The following ADAMTS12 variants were observed in gnomAD, a reference collection of about 807,000 sequenced individuals.
The protein encoded by ADAMTS12 is ADAM metallopeptidase with thrombospondin type 1 motif 12.
In ADAMTS12, 118 loss-of-function variants were observed where a neutral mutation model predicts 167.8. The ratio of observed to expected loss-of-function variants is 0.70; its 90% CI spans 0.61 to 0.82. ADAMTS12 has a LOEUF of 0.82. Ranked by LOEUF, ADAMTS12 falls within the 40% of genes least tolerant of loss-of-function variation. ADAMTS12 has a pLI of 0.00. For missense variants in ADAMTS12, 1,916 were observed against 1,998.8 expected, an observed-to-expected ratio of 0.96 and a Z score of 0.79; for synonymous variants, 704 against 716.9, an observed-to-expected ratio of 0.98 and a Z score of 0.29.
intron 2 of ADAMTS12, among the ~76,000 whole-genome samples, chr5:33,849,634 ATATGTATTG>A (rs1749136844): frequency 1.5e-5 from 2 of 131,034 alleles, no homozygotes; most frequent in South Asian, 4.7e-4. Context: ...ATAGCAATAT[ATATGTATTG>A]CATAGCAATA....
intron 3 of ADAMTS12, among the ~76,000 whole-genome samples, chr5:33,687,246 C>A (rs1398467151): frequency 1.3e-5 from 2 of 152,002 alleles, no homozygotes; most frequent in African/African-American, 4.8e-5. Context: ...TTCAACAAAA[C>A]CTACATTAAG....
chr5:33,837,827 C>G (rs1025964424), intron 2 of ADAMTS12, among the ~76,000 whole-genome samples: 1 of 152,180 alleles, frequency 6.6e-6, no homozygotes, highest in Non-Finnish European at 1.5e-5. Flanking sequence ...TTTAAAGAAG[C>G]CACATTTGTA....
chr5:33,753,907 G>C (rs566482573), intron 2 of ADAMTS12, among the ~76,000 whole-genome samples: 1 of 152,292 alleles, frequency 6.6e-6, no homozygotes, highest in African/African-American at 2.4e-5. Flanking sequence ...TAGAGGAGAA[G>C]CCAGAGATCT....
chr5:33,887,901 C>T (rs550837035), intron 1 of ADAMTS12, among the ~76,000 whole-genome samples: 3 of 152,224 alleles, frequency 2.0e-5, no homozygotes, highest in Admixed American at 1.3e-4. Flanking sequence ...TGCACCACCA[C>T]GCCCGGCTGA....
At chr5:33,619,314 A>G (rs1739189868) in intron 14 of ADAMTS12, among the ~76,000 whole-genome samples, 1 of 152,222 alleles carries the variant, frequency 6.6e-6, no homozygotes, top group Non-Finnish European at 1.5e-5. Flanking sequence ...CTGTATTTGC[A>G]TAAAACAATA....
At chr5:33,873,166 T>TA (rs77165421) in intron 2 of ADAMTS12, among the ~76,000 whole-genome samples, 3,028 of 120,804 alleles carry the variant, frequency 0.025, 45 homozygotes, top group African/African-American at 0.046. Flanking sequence ...TATGTAGATT[T>TA]AAAAAAAAAA....
chr5:33,533,555 T>C (rs191726139), intron 23 of ADAMTS12, among the ~76,000 whole-genome samples: 103 of 152,286 alleles, frequency 6.8e-4, no homozygotes, highest in African/African-American at 2.5e-3. Flanking sequence ...AGCAAGAGTC[T>C]GGAAGACATG....
At chr5:33,632,896 T>C (rs1187438840) in intron 12 of ADAMTS12, among the ~76,000 whole-genome samples, 1 of 152,156 alleles carries the variant, frequency 6.6e-6, no homozygotes, top group Non-Finnish European at 1.5e-5. Context: ...AGCATGTTCA[T>C]TGCGGCAACG....
At chr5:33,841,292 G>C (rs1748736072) in intron 2 of ADAMTS12, among the ~76,000 whole-genome samples, 1 of 152,120 alleles carries the variant, frequency 6.6e-6, no homozygotes, top group Non-Finnish European at 1.5e-5. Context: ...CCTTTTTGTA[G>C]CATAAAGGGC....
intron 2 of ADAMTS12, among the ~76,000 whole-genome samples, chr5:33,819,050 GTTGA>G (rs1331951912): frequency 1.3e-5 from 2 of 151,714 alleles, no homozygotes; most frequent in Admixed American, 6.6e-5. Flanking sequence ...TTTTCATTTT[GTTGA>G]TTGTTTCCTT....
intron 9 of ADAMTS12, among the ~76,000 whole-genome samples, chr5:33,643,851 G>A (rs1395784944): frequency 6.6e-6 from 1 of 152,246 alleles, no homozygotes; most frequent in Non-Finnish European, 1.5e-5. Context: ...ATTACTAACA[G>A]TTGGGGGTGG....
intron 5 of ADAMTS12, among the ~76,000 whole-genome samples, chr5:33,676,707 C>G (rs546100681): frequency 1.5e-3 from 219 of 149,118 alleles, no homozygotes; most frequent in South Asian, 4.4e-3. Context: ...CACACACACA[C>G]AGAGAGAGAG....
chr5:33,713,838 T>C (rs1250543260), intron 3 of ADAMTS12, among the ~76,000 whole-genome samples: 2 of 152,130 alleles, frequency 1.3e-5, no homozygotes, highest in African/African-American at 4.8e-5. Context: ...CTACTGTCAA[T>C]AGAAATAAAT....
intron 16 of ADAMTS12, among the ~76,000 whole-genome samples, chr5:33,609,760 A>G (rs1257962537): frequency 2.6e-5 from 4 of 152,230 alleles, no homozygotes; most frequent in Non-Finnish European, 4.4e-5. Flanking sequence ...TTCATGTTTC[A>G]GTCATTTTTC....
chr5:33,747,025 T>C (rs1490603596), intron 3 of ADAMTS12, among the ~76,000 whole-genome samples: 1 of 152,178 alleles, frequency 6.6e-6, no homozygotes, highest in East Asian at 1.9e-4. Flanking sequence ...TCTTAATATA[T>C]ATTTCCTACT....
At chr5:33,751,191 G>A (rs1744961004) in intron 3 of ADAMTS12, 3 of 566,852 alleles carry the variant, frequency 5.3e-6, no homozygotes, top group African/African-American at 1.9e-5. Flanking sequence ...GCAGAGACTC[G>A]AGTATTGACA....
intron 13 of ADAMTS12, among the ~76,000 whole-genome samples, chr5:33,625,367 C>T (rs1319656752): frequency 6.6e-6 from 1 of 151,544 alleles, no homozygotes; most frequent in Admixed American, 6.6e-5. Flanking sequence ...ATGTGGGAAA[C>T]AGGTGCCTTT....
intron 20 of ADAMTS12, among the ~76,000 whole-genome samples, chr5:33,560,230 A>G (rs1745673054): frequency 6.6e-6 from 1 of 152,160 alleles, no homozygotes; most frequent in African/African-American, 2.4e-5. Context: ...TGTAACTTGA[A>G]GTTGGCCTAT....
intron 3 of ADAMTS12, among the ~76,000 whole-genome samples, chr5:33,722,348 T>C (rs1315596595): frequency 1.3e-5 from 2 of 152,218 alleles, no homozygotes; most frequent in African/African-American, 2.4e-5. Flanking sequence ...ATAATGATGA[T>C]GGTAAACAGT....
Sources: gnomAD v4.1 joint callset for allele counts (sites outside exome capture counted in the v4.1 genomes callset) on GRCh38, gnomAD v4.1.1 for gene constraint, MANE v1.5 for transcripts, NCBI Gene and HGNC (gene_info 2026-07-23, HGNC 2026-07-21) for gene names.